The following RHOBTB1 variants were observed in gnomAD, a reference collection of about 807,000 sequenced individuals.
RHOBTB1 encodes the protein Rho related BTB domain containing 1, also known as rho-related BTB domain-containing protein 1.
A neutral mutation model predicts 71.6 loss-of-function variants in RHOBTB1; 40 were observed. The ratio of observed to expected loss-of-function variants is 0.56; its 90% confidence interval spans 0.43 to 0.73. The LOEUF (loss-of-function observed/expected upper bound fraction) is 0.73. RHOBTB1 is among the 30% of genes least tolerant of loss of function. RHOBTB1 has a pLI of 0.00. For missense variants in RHOBTB1, 797 were observed against 894.0 expected (o/e 0.89, Z 1.38); for synonymous variants, 319 against 334.9 (o/e 0.95, Z 0.52).
At chr10:60,900,632 T>C (rs1316389353) in intron 4 of RHOBTB1, among the ~76,000 whole-genome samples, 1 of 152,174 alleles carries the variant, frequency 6.6e-6, no homozygotes, top group African/African-American at 2.4e-5. Flanking sequence ...AATTAATTTT[T>C]ATTAAATTAA....
chr10:60,953,245 A>G (rs1438563044), intron 2 of RHOBTB1, among the ~76,000 whole-genome samples: 1 of 152,232 alleles, frequency 6.6e-6, no homozygotes, highest in Admixed American at 6.5e-5. Flanking sequence ...AGATTTCTCA[A>G]TGTTTAAGTA....
At chr10:60,926,780 A>G (rs1400519589) in intron 2 of RHOBTB1, among the ~76,000 whole-genome samples, 1 of 152,246 alleles carries the variant, frequency 6.6e-6, no homozygotes, top group Non-Finnish European at 1.5e-5. Context: ...ATCATACTGA[A>G]TGAGGAAAAA....
the RHOBTB1 span, among the ~76,000 whole-genome samples, chr10:60,863,193 C>A: frequency 6.6e-6 from 1 of 152,248 alleles, no homozygotes; most frequent in Middle Eastern, 3.4e-3. Flanking sequence ...TCAAGTAAAT[C>A]ATGAAATTTG....
chr10:60,905,843 CT>C (rs2082651951), intron 4 of RHOBTB1, among the ~76,000 whole-genome samples: 1 of 152,124 alleles, frequency 6.6e-6, no homozygotes, highest in African/African-American at 2.4e-5. Flanking sequence ...CTGATCCTTA[CT>C]TTTTTGCTTG....
At chr10:60,986,417 A>ATATG (rs2086667235) in intron 1 of RHOBTB1, among the ~76,000 whole-genome samples, 1 of 144,660 alleles carries the variant, frequency 6.9e-6, no homozygotes, top group Non-Finnish European at 1.5e-5. Context: ...ATATATATAT[A>ATATG]TATATATATA....
At position 60,955,494 on chromosome 10, in the gene RHOBTB1, G is replaced by C. The variant is rs758353422; in HGVS notation, c.-61-13640C>G. Reference sequence around the variant, plus strand: ...CAATATAACAAGAATGCTTCCTTCTGATTGAGCAGGGTAATTATTCAAGGA... The same window carrying C: ...CAATATAACAAGAATGCTTCCTTCTCATTGAGCAGGGTAATTATTCAAGGA... On this transcript the variant is annotated intron_variant, in intron 2 of 11. Transcript: ENST00000357917. Among the ~76,000 whole-genome samples, 3 of 152,198 alleles carry C rather than the reference G, an allele frequency of 2.0e-5. No homozygotes were observed. The East Asian group carries it at 5.8e-4, about 29-fold the overall frequency.
intron 2 of RHOBTB1, among the ~76,000 whole-genome samples, chr10:60,937,251 C>T (rs1261031999): frequency 1.3e-5 from 2 of 152,058 alleles, no homozygotes; most frequent in African/African-American, 4.8e-5. Context: ...TAATTTAGGC[C>T]AGGGTAGTTA....
chr10:60,992,284 C>T (rs1462678493), intron 1 of RHOBTB1, among the ~76,000 whole-genome samples: 1 of 152,118 alleles, frequency 6.6e-6, no homozygotes, highest in Non-Finnish European at 1.5e-5. Context: ...AACATTTCAC[C>T]TGAGCAGATG....
chr10:60,921,665 T>C (rs191560437), intron 2 of RHOBTB1, among the ~76,000 whole-genome samples: 2 of 152,318 alleles, frequency 1.3e-5, no homozygotes, highest in Admixed American at 6.5e-5. Context: ...GAATTGAATA[T>C]AAAAATACAG....
intron 7 of RHOBTB1, among the ~76,000 whole-genome samples, chr10:60,884,127 C>T (rs1171812059): frequency 5.3e-5 from 8 of 152,104 alleles, no homozygotes; most frequent in Admixed American, 5.2e-4. Context: ...GGAGCAGCTG[C>T]AGTTTGTTAT....
chr10:60,924,401 A>G (rs778823212), intron 2 of RHOBTB1, among the ~76,000 whole-genome samples: 1 of 152,186 alleles, frequency 6.6e-6, no homozygotes, highest in Non-Finnish European at 1.5e-5. Context: ...AAAAACTGTA[A>G]AAAGAGACAA....
At chr10:60,892,722 A>C in intron 5 of RHOBTB1, 88 bp downstream of exon 5, 1 of 1,173,432 alleles carries the variant, frequency 8.5e-7, no homozygotes, top group Non-Finnish European at 1.2e-6. Flanking sequence ...AGGAGTGTTG[A>C]AGAGCAGAAC....
chr10:60,993,815 C>A (rs2086950828), intron 1 of RHOBTB1, among the ~76,000 whole-genome samples: 1 of 151,576 alleles, frequency 6.6e-6, no homozygotes, highest in African/African-American at 2.4e-5. Context: ...TCTCCAAAGG[C>A]AACATGTAAT....
upstream of RHOBTB1, among the ~76,000 whole-genome samples, chr10:60,946,123 AGCCGAGATCGC>A (rs1195192716): frequency 6.6e-6 from 1 of 151,962 alleles, no homozygotes; most frequent in South Asian, 2.1e-4. Context: ...GGTTGCAGTG[AGCCGAGATCGC>A]GCCACTGCAC....
At chr10:60,939,151 C>A (rs966234514) in intron 2 of RHOBTB1, among the ~76,000 whole-genome samples, 1 of 152,124 alleles carries the variant, frequency 6.6e-6, no homozygotes, top group Non-Finnish European at 1.5e-5. Context: ...CTTGCTAATT[C>A]GTTCTTTAGT....
intron 4 of RHOBTB1, among the ~76,000 whole-genome samples, chr10:60,905,449 C>CAAAAAAAAAA (rs35538782): frequency 2.0e-5 from 1 of 48,974 alleles, no homozygotes; most frequent in African/African-American, 7.8e-5. Context: ...GACTCTTTCT[C>CAAAAAAAAAA]AAAAAAAAAA....
At chr10:60,976,681 A>G (rs1403202124) in intron 2 of RHOBTB1, among the ~76,000 whole-genome samples, 2 of 152,036 alleles carry the variant, frequency 1.3e-5, no homozygotes, top group Non-Finnish European at 2.9e-5. Flanking sequence ...ACCTCATAAT[A>G]TGTTGTCTTA....
chr10:60,922,339 C>G (rs1228954793), intron 2 of RHOBTB1, among the ~76,000 whole-genome samples: 1 of 152,204 alleles, frequency 6.6e-6, no homozygotes, highest in African/African-American at 2.4e-5. Context: ...CACTTCAAGG[C>G]AAGATGGCAA....
chr10:60,909,053 A>G (rs2082830974), intron 4 of RHOBTB1, among the ~76,000 whole-genome samples: 1 of 152,242 alleles, frequency 6.6e-6, no homozygotes. Flanking sequence ...ATGGAGTCAC[A>G]GGAAAGAGCA....
Sources: allele counts gnomAD v4.1 joint callset (sites outside exome capture counted in the v4.1 genomes callset), GRCh38; gene constraint gnomAD v4.1.1; transcripts MANE v1.5; gene names NCBI Gene and HGNC (gene_info 2026-07-23, HGNC 2026-07-21).